Variants in USP34 observed in about 807,000 individuals in gnomAD.
USP34 encodes the protein ubiquitin specific peptidase 34, also known as ubiquitin carboxyl-terminal hydrolase 34.
In USP34, 70 loss-of-function variants were observed where a neutral mutation model predicts 460.3. That is an observed-to-expected ratio of 0.15 (90% CI 0.13 to 0.19). The LOEUF is 0.19. USP34 is among the 10% of genes least tolerant of loss of function. USP34 has a pLI of 1.00. For synonymous variants in USP34, 1,647 were observed against 1,405.3 expected (o/e 1.17, Z -3.85); for missense variants, 3,985 against 4,236.2 (o/e 0.94, Z 1.65).
At chr2:61,223,352 C>A in intron 62 of USP34, 56 bp from the exon 63 acceptor site, 1 of 1,493,148 alleles carries the variant, frequency 6.7e-7, no homozygotes, top group East Asian at 2.3e-5. Context: ...TACTTTACAG[C>A]GATTTACAAC....
Position 61,348,180 on chromosome 2 carries a change from G to T in USP34, c.1975C>A (p.Gln659Lys). ...SQAGICLGDS[Q>K]GMSERNGTSS... ...GTCCCATTTCTTTCTGACATGCCTT[G>T]GGAGTCCCCCAGGCAAATGCCTGCT... Residue 659 changes from glutamine (Q) to lysine (K), a missense_variant, in exon 15 of 80, where the codon CAA (glutamine) becomes AAA (lysine). Physicochemically the swap from Gln to Lys is moderately conservative, Grantham distance 53. Transcript: ENST00000398571. 6.2e-7 allele frequency: 1 copy of T among 1,614,164 alleles called. No individual in the cohort carries two copies. The highest frequency in any genetic ancestry group is 1.1e-5 in the South Asian group (1 of 91,078).
chr2:61,470,563 G>C, intron 1 of USP34, 87 bp downstream of exon 1: 1 of 937,500 alleles, frequency 1.1e-6, no homozygotes, highest in Non-Finnish European at 1.6e-6. Context: ...GTCGCCTCCC[G>C]CAGGCCGCGG....
intron 34 of USP34, among the ~76,000 whole-genome samples, chr2:61,287,035 A>G (rs181172197): frequency 1.3e-3 from 194 of 152,388 alleles, no homozygotes; most frequent in African/African-American, 4.2e-3. Context: ...TAAGGTTACT[A>G]AAGTGGTAGT....
At chr2:61,372,089 T>C (rs1200894845) in intron 8 of USP34, among the ~76,000 whole-genome samples, 1 of 152,146 alleles carries the variant, frequency 6.6e-6, no homozygotes, top group Admixed American at 6.5e-5. Flanking sequence ...AAATAAATTG[T>C]ATAATAAAAG....
chr2:61,242,302 CAT>C (rs1220033800), intron 51 of USP34, among the ~76,000 whole-genome samples: 2 of 152,148 alleles, frequency 1.3e-5, no homozygotes. Context: ...CCTTCACAAA[CAT>C]AATTTTGAAC....
chr2:61,345,875 G>A (rs953910515), intron 15 of USP34, among the ~76,000 whole-genome samples: 1 of 152,102 alleles, frequency 6.6e-6, no homozygotes, highest in Non-Finnish European at 1.5e-5. Context: ...GGCCTCAAAC[G>A]ATCCTCCTGC....
chr2:61,383,875 T>C (rs1033265287), intron 5 of USP34, among the ~76,000 whole-genome samples: 1 of 152,166 alleles, frequency 6.6e-6, no homozygotes, highest in Non-Finnish European at 1.5e-5. Context: ...TTACATGAAG[T>C]CTGTCTGAAA....
intron 10 of USP34, among the ~76,000 whole-genome samples, chr2:61,360,708 G>A (rs1377116365): frequency 2.0e-5 from 3 of 152,198 alleles, no homozygotes; most frequent in Non-Finnish European, 4.4e-5. Context: ...CCAAGCTGGA[G>A]TACAGTGGCA....
At chr2:61,281,350 G>C (rs1464385834) in intron 37 of USP34, 108 bp from the exon 38 acceptor site, 1 of 1,361,452 alleles carries the variant, frequency 7.3e-7, no homozygotes, top group Admixed American at 2.6e-5. Flanking sequence ...TGCCGGGCAA[G>C]CCTGTAATCC....
At chr2:61,204,010 T>A (rs903806824) in intron 74 of USP34, among the ~76,000 whole-genome samples, 2 of 152,024 alleles carry the variant, frequency 1.3e-5, no homozygotes, top group Non-Finnish European at 2.9e-5. Context: ...GTGACAAATA[T>A]TAAGACTTAC....
chr2:61,399,766 G>A (rs1318659803), intron 3 of USP34, among the ~76,000 whole-genome samples: 4 of 150,794 alleles, frequency 2.7e-5, no homozygotes, highest in African/African-American at 7.3e-5. Flanking sequence ...CCAACTACTC[G>A]GGACGCTGAG....
intron 2 of USP34, among the ~76,000 whole-genome samples, chr2:61,413,482 G>A (rs1015127532): frequency 6.7e-5 from 10 of 149,636 alleles, no homozygotes; most frequent in South Asian, 4.2e-4. Flanking sequence ...CAAGGCGGGT[G>A]GACTGCCTGA....
At chr2:61,451,621 G>C (rs1039373974) in intron 1 of USP34, among the ~76,000 whole-genome samples, 1 of 151,894 alleles carries the variant, frequency 6.6e-6, no homozygotes, top group African/African-American at 2.4e-5. Context: ...GACGGAGGTT[G>C]TGGTGAGCCA....
At chr2:61,195,009 G>A (rs180944086) in intron 75 of USP34, among the ~76,000 whole-genome samples, 6 of 149,774 alleles carry the variant, frequency 4.0e-5, no homozygotes, top group Admixed American at 2.0e-4. Flanking sequence ...TGGTAATCCC[G>A]GCACTTTGGG....
At chr2:61,190,780 C>T in intron 76 of USP34, 122 bp from the exon 77 acceptor site, 3 of 1,272,744 alleles carry the variant, frequency 2.4e-6, no homozygotes, top group Non-Finnish European at 2.1e-6. Flanking sequence ...ACTGAAAATC[C>T]TACTTGAAAA....
At chr2:61,448,877 G>T (rs190248375) in intron 1 of USP34, among the ~76,000 whole-genome samples, 2 of 152,290 alleles carry the variant, frequency 1.3e-5, no homozygotes, top group Admixed American at 6.5e-5. Flanking sequence ...GCCAGAGGCC[G>T]GATACAGTGG....
At chr2:61,317,330 C>T (rs897458479) in intron 23 of USP34, among the ~76,000 whole-genome samples, 1 of 152,164 alleles carries the variant, frequency 6.6e-6, no homozygotes, top group Non-Finnish European at 1.5e-5. Flanking sequence ...AGTGCAAGAC[C>T]AGCCTGAGTA....
At chr2:61,307,818 G>T (rs186683020) in intron 27 of USP34, among the ~76,000 whole-genome samples, 5 of 152,052 alleles carry the variant, frequency 3.3e-5, no homozygotes, top group Non-Finnish European at 5.9e-5. Context: ...ACGGCCAAGG[G>T]GGGAGGATAG....
At chr2:61,358,190 T>C (rs1042305863) in intron 10 of USP34, among the ~76,000 whole-genome samples, 128 of 104,326 alleles carry the variant, frequency 1.2e-3, no homozygotes, top group Admixed American at 3.0e-3. Context: ...CGAGATTCCA[T>C]CTAAAATAAA....
Sources: allele counts gnomAD v4.1 joint callset (sites outside exome capture counted in the v4.1 genomes callset), GRCh38; gene constraint gnomAD v4.1.1; transcripts MANE v1.5; gene names NCBI Gene and HGNC (gene_info 2026-07-23, HGNC 2026-07-21).